The following NEUROD4 variants were observed in gnomAD, a reference collection of about 807,000 sequenced individuals.
The protein encoded by NEUROD4 is neuronal differentiation 4, also known as neurogenic differentiation factor 4.
A neutral mutation model predicts 19.8 loss-of-function variants in NEUROD4; 16 were observed. The ratio of observed to expected loss-of-function variants is 0.81; its 90% CI spans 0.55 to 1.23. NEUROD4 has a LOEUF of 1.23. Ranked by LOEUF, NEUROD4 falls within the 50% of genes most tolerant of loss-of-function variation. The probability of loss-of-function intolerance (pLI) is 0.00; values close to 1 mark genes in which losing one functional copy is unlikely to be tolerated. For synonymous variants in NEUROD4, 153 were observed against 147.9 expected (o/e 1.03, Z -0.25); for missense variants, 439 against 398.6 (o/e 1.10, Z -0.86).
At chr12:55,022,566 T>C (rs1379782253) in intron 1 of NEUROD4, among the ~76,000 whole-genome samples, 1 of 152,124 alleles carries the variant, frequency 6.6e-6, no homozygotes, top group Non-Finnish European at 1.5e-5. Flanking sequence ...GCCATTTGGT[T>C]TTGGTGGGAA....
chr12:55,020,169 T>G lies in NEUROD4; in HGVS notation c.-154T>G, dbSNP rs1952665278. 6.6e-6 allele frequency: 1 copy of G among 152,232 alleles called. No individual in the cohort carries two copies. Among genetic ancestry groups the G allele is most frequent in the Admixed American group, 6.5e-5 (1 of 15,274 alleles). The allele number at this position is 152,232 out of a possible 1,614,324, so 9.4% of individuals were successfully genotyped here. The stretch of plus-strand genomic sequence containing the variant: ...GGCAGAGAAACCAGACCCGGTGGAA[T>G]CTCTAAGAGGTAACAACCGGGTTTG... On this transcript the variant is annotated 5_prime_UTR_variant, in exon 1 of 2. Transcript: ENST00000242994.
chr12:55,027,289 C>T lies in NEUROD4; in HGVS notation c.850C>T (p.Pro284Ser), dbSNP rs144650862. 8 of 1,614,082 alleles carry T rather than the reference C, an allele frequency of 5.0e-6. No individual in the cohort carries two copies. Among genetic ancestry groups the T allele is most frequent in the Middle Eastern group, 1.7e-4 (1 of 6,060 alleles). ...EKSYSFMPHY[P>S]SSSLSSGHVH... is the part of the protein sequence containing the mutation. ...ATCCTACAGCTTCATGCCACATTAC[C>T]CTTCTTCAAGTCTAAGCTCAGGGCA... The change falls in exon 2 of 2, where the codon CCT (proline) becomes TCT (serine). Residue 284 changes from proline to serine, a missense_variant. Coordinates refer to ENST00000242994, the MANE Select transcript of NEUROD4 (RefSeq NM_021191.3).
At position 55,027,312 on chromosome 12, in the gene NEUROD4, G is replaced by T. The variant is rs763245760; in HGVS notation, c.873G>T (p.Gly291=). 2.5e-6 allele frequency: 4 copies of T among 1,614,080 alleles called. No homozygotes were observed. The highest frequency in any genetic ancestry group is 3.4e-6 in the Non-Finnish European group (4 of 1,180,018). Residue 291 remains glycine, a synonymous_variant, in exon 2 of 2, where the codon GGG becomes GGT. Coordinates refer to ENST00000242994, the MANE Select transcript of NEUROD4 (RefSeq NM_021191.3). The part of the protein sequence containing the change: ...PHYPSSSLSS[G]HVHSTPFQAG... ...ACCCTTCTTCAAGTCTAAGCTCAGG[G>T]CATGTGCATTCAACTCCTTTTCAGG...
At position 55,027,474 on chromosome 12, in the gene NEUROD4, C is replaced by T; in HGVS notation, c.*39C>T. On this transcript the variant is annotated 3_prime_UTR_variant, in exon 2 of 2. Transcript: ENST00000242994. ...AATGTTTCAGAGAATGACGTGGAGA[C>T]ATTTTCCATAATTCAAGTGGTTGAG... The T allele has an allele frequency of 6.5e-7, 1 of 1,537,286 alleles. No homozygotes were observed. Among genetic ancestry groups the T allele is most frequent in the Non-Finnish European group, 8.8e-7 (1 of 1,141,056 alleles).
chr12:55,026,541 A>G lies in NEUROD4; in HGVS notation c.102A>G (p.Glu34=), dbSNP rs1443489957. 2 of 1,614,076 alleles carry G rather than the reference A, an allele frequency of 1.2e-6. No individual in the cohort carries two copies. Among genetic ancestry groups the G allele is most frequent in the South Asian group, 1.1e-5 (1 of 91,082 alleles). ...GLGSQNEVKE[E]ESRPGTYGML... ...GCTCCCAAAATGAGGTGAAGGAGGA[A>G]GAGAGCAGACCAGGTACTTATGGGA... Residue 34 remains glutamate, a synonymous_variant, in exon 2 of 2, where the codon GAA becomes GAG. Coordinates refer to ENST00000242994, the MANE Select transcript of NEUROD4 (RefSeq NM_021191.3).
intron 1 of NEUROD4, among the ~76,000 whole-genome samples, chr12:55,024,495 C>T (rs1022348493): frequency 6.6e-6 from 1 of 152,108 alleles, no homozygotes; most frequent in African/African-American, 2.4e-5. Context: ...CTTTAAAATG[C>T]TACACAAATG....
chr12:55,027,526 C>A lies in NEUROD4; in HGVS notation c.*91C>A. The A allele has an allele frequency of 8.3e-7, 1 of 1,210,888 alleles. No homozygotes were observed. Among genetic ancestry groups the A allele is most frequent in the East Asian group, 2.3e-5 (1 of 42,670 alleles). 75.0% of individuals were successfully genotyped at this position (1,210,888 alleles called of 1,614,324 possible). Reference sequence around the variant, plus strand: ...TAAAGATTCAATGACCTTAAAGGATCCCTATGGATATATATCAAACAATAG... The same window carrying A: ...TAAAGATTCAATGACCTTAAAGGATACCTATGGATATATATCAAACAATAG... On this transcript the variant is annotated 3_prime_UTR_variant, in exon 2 of 2. Transcript: ENST00000242994.
Position 55,029,181 on chromosome 12 carries a change from TA to T in NEUROD4, c.*1747del, listed in dbSNP as rs202177752. On this transcript the variant is annotated 3_prime_UTR_variant, in exon 2 of 2. Transcript: ENST00000242994. ...TTTATTATCTCCATACAGTATAAGT[TA>T]TTTTTTTTCCATTTTGCTCTCAGCA... 7.0e-6 allele frequency: 1 copy of T among 142,426 alleles called. No homozygotes were observed. The highest frequency in any genetic ancestry group is 1.6e-5 in the Non-Finnish European group (1 of 61,868). The allele number at this position is 142,426 out of a possible 1,614,324, so 8.8% of individuals were successfully genotyped here. A position where few individuals can be genotyped will look rare whatever the true frequency, so the allele number is the denominator to read the frequency against.
rs1165161818 is a variant in NEUROD4, at chr12:55,029,721, T to C, written c.*2286T>C. ...TATGCAAGTTAATGTTTTTAGAGTC[T>C]TTTCTTCAGTCTAAAATGAGCCAGA... On this transcript the variant is annotated 3_prime_UTR_variant, in exon 2 of 2. Transcript: ENST00000242994. 1 of 167,062 alleles carries C rather than the reference T, an allele frequency of 6.0e-6. No individual in the cohort carries two copies. The highest frequency in any genetic ancestry group is 1.5e-5 in the Non-Finnish European group (1 of 68,100). 10.3% of individuals were successfully genotyped at this position (167,062 alleles called of 1,614,324 possible).
At position 55,026,858 on chromosome 12, in the gene NEUROD4, C is replaced by G; in HGVS notation, c.419C>G (p.Ser140Cys). Reference protein sequence around the residue: ...RLARNYIWALSEVLETGQTPE... With the variant: ...RLARNYIWALCEVLETGQTPE... ...GCCAGGAACTATATTTGGGCTTTAT[C>G]TGAAGTCCTGGAGACTGGCCAGACA... Residue 140 changes from serine to cysteine, a missense_variant, in exon 2 of 2, where the codon TCT (serine) becomes TGT (cysteine). Physicochemically the swap from Ser to Cys is moderately radical, Grantham distance 112 (BLOSUM62 -1). Transcript: ENST00000242994. 1 of 1,614,096 alleles carries G rather than the reference C, an allele frequency of 6.2e-7. No individual in the cohort carries two copies.
At chr12:55,026,398 C>T in intron 1 of NEUROD4, 33 bp from the exon 2 acceptor site, 2 of 1,540,286 alleles carry the variant, frequency 1.3e-6, no homozygotes, top group African/African-American at 1.4e-5. Flanking sequence ...CAGGTACTCA[C>T]AGGAATTAAC....
In NEUROD4 at chr12:55,028,640, T is replaced by C. The variant is rs1952760351; in HGVS notation, c.*1205T>C. 1 of 167,028 alleles carries C rather than the reference T, an allele frequency of 6.0e-6. No homozygotes were observed. The highest frequency in any genetic ancestry group is 1.5e-5 in the Non-Finnish European group (1 of 68,108). 10.3% of individuals were successfully genotyped at this position (167,028 alleles called of 1,614,324 possible). On this transcript the variant is annotated 3_prime_UTR_variant, in exon 2 of 2. Transcript: ENST00000242994. ...AGGTTAAATTTTTCCAACATATATGTAGTTCCTTATCTCTCCCCCTACACT... is the reference window on the plus strand; with the variant it reads ...AGGTTAAATTTTTCCAACATATATGCAGTTCCTTATCTCTCCCCCTACACT...
In NEUROD4 at chr12:55,028,940, C is replaced by T. The variant is rs1362129551; in HGVS notation, c.*1505C>T. On this transcript the variant is annotated 3_prime_UTR_variant, in exon 2 of 2. Transcript: ENST00000242994. ...AAATTTTCCTATCTTGTTCAATCAG[C>T]CAGGACAGTTATTTAAGTCAAACCA... The T allele has an allele frequency of 1.2e-5, 2 of 166,900 alleles. No homozygotes were observed. Among genetic ancestry groups the T allele is most frequent in the Non-Finnish European group, 2.9e-5 (2 of 68,094 alleles). 10.3% of individuals were successfully genotyped at this position (166,900 alleles called of 1,614,324 possible).
Position 55,026,619 on chromosome 12 carries a change from GGAA to G in NEUROD4, c.186_188del (p.Glu62del), listed in dbSNP as rs753320575. ...ACAGTATTGAGGAAGAAGAAGAAGA[GGAA>G]GAAGATGGGGAGAAACCTAAGAGAA... On this transcript the variant is annotated inframe_deletion, in exon 2 of 2. Transcript: ENST00000242994. 1.2e-6 allele frequency: 2 copies of G among 1,612,936 alleles called. No homozygotes were observed. The highest frequency in any genetic ancestry group is 2.7e-5 in the African/African-American group (2 of 74,802).
rs1476836896 is a variant in NEUROD4, at chr12:55,027,588, C to T, written c.*153C>T. 2.9e-6 allele frequency: 2 copies of T among 688,296 alleles called. No individual in the cohort carries two copies. The highest frequency in any genetic ancestry group is 4.3e-4 in the Middle Eastern group (1 of 2,352). The allele number at this position is 688,296 out of a possible 1,614,324, so 42.6% of individuals were successfully genotyped here. A position where few individuals can be genotyped will look rare whatever the true frequency, so the allele number is the denominator to read the frequency against. ...TTAGGCTTTCCTTCACCTATCACCT[C>T]TTTTCTCATCACCTTCTCACATTGC... On this transcript the variant is annotated 3_prime_UTR_variant, in exon 2 of 2. Coordinates refer to ENST00000242994, the MANE Select transcript of NEUROD4 (RefSeq NM_021191.3).
At chr12:55,025,483 T>C (rs1203955998) in intron 1 of NEUROD4, among the ~76,000 whole-genome samples, 2 of 152,234 alleles carry the variant, frequency 1.3e-5, no homozygotes, top group African/African-American at 4.8e-5. Flanking sequence ...GCTGTTGCCA[T>C]TGTCTTGTCT....
chr12:55,026,882 C>T lies in NEUROD4; in HGVS notation c.443C>T (p.Thr148Ile). Residue 148 changes from threonine (T) to isoleucine (I), a missense_variant, in exon 2 of 2, where the codon ACA becomes ATA. Thr to Ile is a moderately conservative substitution (Grantham distance 89, BLOSUM62 -1). Coordinates refer to ENST00000242994, the MANE Select transcript of NEUROD4 (RefSeq NM_021191.3). ...TCTGAAGTCCTGGAGACTGGCCAGA[C>T]ACCTGAAGGGAAAGGCTTTGTGGAG... is the stretch of plus-strand genomic sequence containing the variant. ...ALSEVLETGQ[T>I]PEGKGFVEML... The T allele has an allele frequency of 1.2e-6, 2 of 1,614,118 alleles. No homozygotes were observed. Among genetic ancestry groups the T allele is most frequent in the Non-Finnish European group, 8.5e-7 (1 of 1,179,986 alleles).
In NEUROD4 at chr12:55,026,630, G is replaced by A. The variant is rs142138121; in HGVS notation, c.191G>A (p.Gly64Glu). ...IEEEEEEEED[G>E]EKPKRRGPKK... Reference sequence around the variant, plus strand: ...GAAGAAGAAGAAGAGGAAGAAGATGGGGAGAAACCTAAGAGAAGGGGTCCC... The same window carrying A: ...GAAGAAGAAGAAGAGGAAGAAGATGAGGAGAAACCTAAGAGAAGGGGTCCC... The change falls in exon 2 of 2, where the codon GGG becomes GAG. Residue 64 changes from glycine (G) to glutamate (E), a missense_variant. Coordinates refer to ENST00000242994, the MANE Select transcript of NEUROD4 (RefSeq NM_021191.3). The A allele has an allele frequency of 5.2e-4, 844 of 1,613,674 alleles. 6 individuals carry two copies. In the African/African-American group the frequency reaches 9.2e-3, roughly 17 times the overall value.
rs762773158 is a variant in NEUROD4, at chr12:55,026,680, C to T, written c.241C>T (p.Arg81Cys). The T allele has an allele frequency of 2.0e-5, 32 of 1,613,986 alleles. No individual in the cohort carries two copies. In the South Asian group the frequency reaches 2.9e-4, roughly 14 times the overall value. The change falls in exon 2 of 2, where the codon CGC becomes TGC. Residue 81 changes from arginine (R) to cysteine (C), a missense_variant. By Grantham distance (180) the Arg-to-Cys change is radical. Transcript: ENST00000242994. ...CAAGAAAAAGAAGATGACCAAAGCT[C>T]GCCTTGAGAGATTCAGGGCTCGAAG... is the stretch of plus-strand genomic sequence containing the variant. The part of the protein sequence containing the change: ...GPKKKKMTKA[R>C]LERFRARRVK...
Sources: gnomAD v4.1 joint callset for allele counts (sites outside exome capture counted in the v4.1 genomes callset) on GRCh38, gnomAD v4.1.1 for gene constraint, MANE v1.5 for transcripts, NCBI Gene and HGNC (gene_info 2026-07-23, HGNC 2026-07-21) for gene names.